Variants in DOCK2 observed in about 807,000 individuals in gnomAD.
DOCK2 encodes dedicator of cytokinesis 2.
A neutral mutation model predicts 248.9 loss-of-function variants in DOCK2; 87 were observed. That is an observed-to-expected ratio of 0.35 (90% CI 0.29 to 0.42). DOCK2 has a LOEUF of 0.42. Among genes scored for constraint, DOCK2 ranks in the 10% least tolerant of loss-of-function variants. The probability of loss-of-function intolerance (pLI) is 1.00; values close to 1 mark genes in which losing one functional copy is unlikely to be tolerated. For synonymous variants in DOCK2, 805 were observed against 821.6 expected, an observed-to-expected ratio of 0.98 and a Z score of 0.35; for missense variants, 1,747 against 2,300.2, an observed-to-expected ratio of 0.76 and a Z score of 4.92.
intron 15 of DOCK2, 98 bp downstream of exon 15, chr5:169,708,365 A>G (rs1317402426): frequency 5.1e-6 from 6 of 1,178,812 alleles, no homozygotes; most frequent in Non-Finnish European, 7.3e-6. Flanking sequence ...TATTGCTTAC[A>G]ACAGCCGTGT....
intron 17 of DOCK2, 24 bp downstream of exon 17, chr5:169,712,247 T>G: frequency 4.4e-6 from 7 of 1,607,128 alleles, no homozygotes; most frequent in Non-Finnish European, 6.0e-6. Flanking sequence ...GAAGGAGCTC[T>G]GCACTGAGGG....
At chr5:170,047,164 T>G (rs1456561477) in intron 39 of DOCK2, among the ~76,000 whole-genome samples, 1 of 152,084 alleles carries the variant, frequency 6.6e-6, no homozygotes, top group South Asian at 2.1e-4. Context: ...GGAGCAGAGA[T>G]GCAATGATGG....
chr5:170,064,445 T>C (rs1757427400), intron 44 of DOCK2, among the ~76,000 whole-genome samples: 1 of 151,466 alleles, frequency 6.6e-6, no homozygotes, highest in Non-Finnish European at 1.5e-5. Flanking sequence ...TCATAGAGCT[T>C]AGGAATATTA....
chr5:169,723,243 C>T (rs923127553), intron 22 of DOCK2, among the ~76,000 whole-genome samples: 23 of 152,174 alleles, frequency 1.5e-4, no homozygotes, highest in African/African-American at 5.3e-4. Context: ...TGAGAAACTG[C>T]CAGCTCAGAG....
intron 41 of DOCK2, among the ~76,000 whole-genome samples, chr5:170,053,022 A>T (rs779792988): frequency 1.3e-5 from 2 of 152,234 alleles, no homozygotes; most frequent in Non-Finnish European, 2.9e-5. Flanking sequence ...TTTCTCACTT[A>T]GGTATCCAAG....
chr5:169,637,893 C>A (rs912355158), intron 1 of DOCK2, among the ~76,000 whole-genome samples: 2 of 152,078 alleles, frequency 1.3e-5, no homozygotes, highest in Non-Finnish European at 2.9e-5. Flanking sequence ...TGGGGCTGGA[C>A]GGTGGGGTTC....
chr5:170,076,308 T>A (rs1467694803), intron 47 of DOCK2, among the ~76,000 whole-genome samples: 1 of 152,174 alleles, frequency 6.6e-6, no homozygotes, highest in African/African-American at 2.4e-5. Flanking sequence ...ATTGTGCAGA[T>A]ACCAACTACT....
intron 46 of DOCK2, among the ~76,000 whole-genome samples, chr5:170,073,247 TC>T (rs1050983236): frequency 6.6e-6 from 1 of 152,190 alleles, no homozygotes; most frequent in African/African-American, 2.4e-5. Context: ...AAGACTATTT[TC>T]CCCCACTTTT....
intron 27 of DOCK2, chr5:169,881,535 C>CCGTGAATGCTGTGCTAT: frequency 5.3e-6 from 5 of 948,990 alleles, no homozygotes; most frequent in Non-Finnish European, 8.3e-6. Context: ...CCCTATAGCA[C>CCGTGAATGCTGTGCTAT]AGCATTCACG....
At chr5:169,896,271 G>A (rs1329463964) in intron 27 of DOCK2, among the ~76,000 whole-genome samples, 2 of 152,192 alleles carry the variant, frequency 1.3e-5, no homozygotes, top group Non-Finnish European at 2.9e-5. Context: ...TATGGGTTCA[G>A]AGTTTATCTG....
chr5:169,798,382 G>T (rs17737323), intron 25 of DOCK2, among the ~76,000 whole-genome samples: 34 of 152,118 alleles, frequency 2.2e-4, no homozygotes, highest in African/African-American at 7.2e-4. Context: ...AGACTTTCCC[G>T]TGAAAAATCT....
At chr5:169,794,999 A>G (rs1341501880) in intron 25 of DOCK2, among the ~76,000 whole-genome samples, 2 of 152,216 alleles carry the variant, frequency 1.3e-5, no homozygotes, top group Non-Finnish European at 2.9e-5. Flanking sequence ...GTTTGAGACC[A>G]GCCTGCAACA....
chr5:169,933,187 G>A (rs1775836519), intron 27 of DOCK2, among the ~76,000 whole-genome samples: 1 of 152,250 alleles, frequency 6.6e-6, no homozygotes, highest in Non-Finnish European at 1.5e-5. Context: ...CTGAAAGAGA[G>A]AGGAGATGAA....
chr5:169,694,625 G>T (rs1760505025), intron 9 of DOCK2, among the ~76,000 whole-genome samples: 1 of 152,176 alleles, frequency 6.6e-6, no homozygotes, highest in South Asian at 2.1e-4. Context: ...GATTGAATAT[G>T]GTGATGCAGG....
intron 21 of DOCK2, among the ~76,000 whole-genome samples, chr5:169,718,361 ACCATTATTCC>A (rs1762015076): frequency 1.3e-5 from 2 of 152,166 alleles, no homozygotes; most frequent in African/African-American, 4.8e-5. Flanking sequence ...CATTATTGCC[ACCATTATTCC>A]CCATTATTCC....
intron 22 of DOCK2, among the ~76,000 whole-genome samples, chr5:169,737,655 A>G (rs1763106844): frequency 6.6e-6 from 1 of 152,144 alleles, no homozygotes; most frequent in South Asian, 2.1e-4. Flanking sequence ...TTGATCACCA[A>G]TGGCCAATGC....
At chr5:169,958,585 C>T (rs201553391) in intron 27 of DOCK2, among the ~76,000 whole-genome samples, 2 of 150,986 alleles carry the variant, frequency 1.3e-5, no homozygotes, top group Admixed American at 6.6e-5. Context: ...TCCTGGGTTT[C>T]TTTTTTTTTG....
intron 27 of DOCK2, among the ~76,000 whole-genome samples, chr5:169,961,710 G>T (rs1467527292): frequency 6.6e-6 from 1 of 152,210 alleles, no homozygotes; most frequent in South Asian, 2.1e-4. Context: ...GGGTGCAGTG[G>T]CTCACGCCCG....
At chr5:169,709,120 T>G (rs1761438987) in intron 15 of DOCK2, among the ~76,000 whole-genome samples, 1 of 152,206 alleles carries the variant, frequency 6.6e-6, no homozygotes, top group Non-Finnish European at 1.5e-5. Flanking sequence ...TTAATACAAC[T>G]CTTGATTATA....
Sources: allele counts gnomAD v4.1 joint callset (sites outside exome capture counted in the v4.1 genomes callset), GRCh38; gene constraint gnomAD v4.1.1; transcripts MANE v1.5; gene names NCBI Gene and HGNC (gene_info 2026-07-23, HGNC 2026-07-21).